Variants in METTL9 observed in about 807,000 individuals in gnomAD.
METTL9 encodes the protein methyltransferase 9, His-X-His N1(pi)-histidine.
METTL9 carries 10 observed loss-of-function variants against 36.0 expected under a neutral mutation model. That is an observed-to-expected ratio of 0.28 (90% CI 0.17 to 0.47). METTL9 has a LOEUF of 0.47. Ranked by LOEUF, METTL9 falls within the 20% of genes least tolerant of loss-of-function variation. The pLI is 0.99. For missense variants in METTL9, 246 were observed against 383.5 expected, an observed-to-expected ratio of 0.64 and a Z score of 3.00; for synonymous variants, 175 against 149.7, an observed-to-expected ratio of 1.17 and a Z score of -1.23.
intron 1 of METTL9, among the ~76,000 whole-genome samples, chr16:21,602,684 G>A: frequency 6.7e-6 from 1 of 149,658 alleles, no homozygotes. Flanking sequence ...TTGAGATGGA[G>A]TCTCGCTTCG....
chr16:21,647,571 A>C (rs895978841), intron 4 of METTL9: 25 of 1,499,100 alleles, frequency 1.7e-5, no homozygotes, highest in Non-Finnish European at 1.8e-6. Context: ...GAGGTAGGAA[A>C]CCCAGCCATT....
intron 4 of METTL9, among the ~76,000 whole-genome samples, chr16:21,633,451 T>C (rs1966013490): frequency 6.6e-6 from 1 of 152,178 alleles, no homozygotes; most frequent in South Asian, 2.1e-4. Context: ...GTGAGGGCTA[T>C]CCCTAAACCC....
chr16:21,644,320 A>C, intron 4 of METTL9: 3 of 1,613,836 alleles, frequency 1.9e-6, no homozygotes, highest in Non-Finnish European at 2.5e-6. Context: ...CCACGCACAC[A>C]CCGGTCACAT....
chr16:21,631,922 TTCTTTGTCTCTCTCTCTCACTGACTCCC>T (rs1330086288), intron 4 of METTL9, among the ~76,000 whole-genome samples: 2 of 152,196 alleles, frequency 1.3e-5, no homozygotes, highest in Non-Finnish European at 2.9e-5. Flanking sequence ...CTTTGACTTT[TTCTTTGTCTCTCTCTCTCACTGACTCCC>T]TCTTTGTCTC....
At chr16:21,622,140 C>CTTTTT (rs1965714653) in intron 3 of METTL9, among the ~76,000 whole-genome samples, 1 of 25,842 alleles carries the variant, frequency 3.9e-5, no homozygotes, top group Non-Finnish European at 6.2e-5. Flanking sequence ...CCATGCCTGG[C>CTTTTT]CTTTTTTTTT....
In METTL9 at chr16:21,650,423, G is replaced by A. The variant is rs1399140038; in HGVS notation, c.752-4804G>A. ...CTTGGGAGGCTGAAGCAGGAGAATC[G>A]CTTGAACGTAGGAGGTGGAGGTTGC... On this transcript the variant is annotated intron_variant, in intron 4 of 4. Coordinates refer to ENST00000358154, the MANE Select transcript of METTL9 (RefSeq NM_016025.5). Among the ~76,000 whole-genome samples the A allele has an allele frequency of 1.3e-4, 19 of 149,716 alleles. 1 individual carries two copies. The highest frequency in any genetic ancestry group is 9.8e-5 in the African/African-American group (4 of 40,718).
In METTL9 at chr16:21,653,038, A is replaced by C. The variant is rs142114689; in HGVS notation, c.752-2189A>C. 26 of 158,534 alleles carry C rather than the reference A, an allele frequency of 1.6e-4. No individual in the cohort carries two copies. The East Asian group carries it at 4.7e-3, about 29-fold the overall frequency. 9.8% of individuals were successfully genotyped at this position (158,534 alleles called of 1,614,324 possible). On this transcript the variant is annotated intron_variant, in intron 4 of 4. Coordinates refer to ENST00000358154, the MANE Select transcript of METTL9 (RefSeq NM_016025.5). ...AGTGGCTTTGTGTAGAGATGAGAAA[A>C]GTTAGTAAACAACACATTCTAATGC...
At chr16:21,646,247 C>T (rs923397067) in intron 4 of METTL9, 9 of 151,918 alleles carry the variant, frequency 5.9e-5, no homozygotes, top group Non-Finnish European at 1.2e-4. Context: ...TGTTTGATGT[C>T]CTCGCTCGGC....
chr16:21,632,806 A>G (rs1440004212), intron 4 of METTL9, among the ~76,000 whole-genome samples: 1 of 152,120 alleles, frequency 6.6e-6, no homozygotes, highest in African/African-American at 2.4e-5. Flanking sequence ...TTGCTACTAC[A>G]TCAATTTCCT....
At chr16:21,654,879 C>T in intron 4 of METTL9, 1 of 219,734 alleles carries the variant, frequency 4.6e-6, no homozygotes, top group Non-Finnish European at 9.1e-6. Context: ...ACCAGTTTTC[C>T]AAACCCATTA....
At chr16:21,620,253 G>A (rs1473786729) in intron 3 of METTL9, among the ~76,000 whole-genome samples, 2 of 152,184 alleles carry the variant, frequency 1.3e-5, no homozygotes, top group Non-Finnish European at 2.9e-5. Context: ...TGAACTGAGT[G>A]ATTTGAAAGC....
At chr16:21,601,259 T>C (rs1965118379) in intron 1 of METTL9, among the ~76,000 whole-genome samples, 1 of 152,194 alleles carries the variant, frequency 6.6e-6, no homozygotes, top group Admixed American at 6.5e-5. Flanking sequence ...TAGTTCATTC[T>C]TATAGAGACA....
intron 1 of METTL9, among the ~76,000 whole-genome samples, chr16:21,600,609 A>G (rs1474563284): frequency 2.6e-5 from 4 of 152,206 alleles, no homozygotes; most frequent in Non-Finnish European, 5.9e-5. Flanking sequence ...TTTTTAAAAC[A>G]GAACGGGACG....
At chr16:21,627,319 T>C (rs1965838345) in intron 4 of METTL9, 2 of 985,228 alleles carry the variant, frequency 2.0e-6, no homozygotes, top group Non-Finnish European at 2.4e-6. Flanking sequence ...TAAAAGTAGT[T>C]GTAGGTGAAA....
At chr16:21,622,680 G>GT (rs1181844222) in intron 3 of METTL9, among the ~76,000 whole-genome samples, 26 of 152,156 alleles carry the variant, frequency 1.7e-4, no homozygotes, top group African/African-American at 5.8e-4. Context: ...CAAAACAGAA[G>GT]TAAGAATGCA....
At chr16:21,599,471 G>C (rs899605552), upstream of METTL9, 1 of 1,172,514 alleles carries the variant, frequency 8.5e-7, no homozygotes, top group Non-Finnish European at 1.1e-6. The surrounding 1 kb of genome is among the most constrained non-coding windows in gnomAD (Gnocchi z 4.4). Flanking sequence ...GGGAGAAAGC[G>C]ACGCGGCCGC....
Position 21,656,777 on chromosome 16 carries a change from C to T in METTL9, c.*1345C>T, listed in dbSNP as rs184545398. ...CCTGGGTATAAAGGCGAATTAAAACCTGAAGAATTACTTTATTATTCATTA... is the reference window on the plus strand; with the variant it reads ...CCTGGGTATAAAGGCGAATTAAAACTTGAAGAATTACTTTATTATTCATTA... On this transcript the variant is annotated 3_prime_UTR_variant, in exon 5 of 5. Coordinates refer to ENST00000358154, the MANE Select transcript of METTL9 (RefSeq NM_016025.5). 2 of 152,196 alleles carry T rather than the reference C, an allele frequency of 1.3e-5. No individual in the cohort carries two copies. Among genetic ancestry groups the T allele is most frequent in the Admixed American group, 6.5e-5 (1 of 15,284 alleles). 9.4% of individuals were successfully genotyped at this position (152,196 alleles called of 1,614,324 possible). A position where few individuals can be genotyped will look rare whatever the true frequency, so the allele number is the denominator to read the frequency against.
At chr16:21,615,769 C>G (rs1437858834) in intron 2 of METTL9, among the ~76,000 whole-genome samples, 1 of 152,166 alleles carries the variant, frequency 6.6e-6, no homozygotes, top group African/African-American at 2.4e-5. Context: ...TGCCAGTAGC[C>G]TCTTTCTGCT....
At chr16:21,624,038 G>C (rs1258644004) in intron 3 of METTL9, among the ~76,000 whole-genome samples, 2 of 152,096 alleles carry the variant, frequency 1.3e-5, no homozygotes, top group Non-Finnish European at 2.9e-5. Flanking sequence ...CAAAGTGCTA[G>C]GATTACAGGC....
Sources: gnomAD v4.1 joint callset for allele counts (sites outside exome capture counted in the v4.1 genomes callset) on GRCh38, gnomAD v4.1.1 for gene constraint, Gnocchi (gnomAD v3.1) non-coding constraint, MANE v1.5 for transcripts, NCBI Gene and HGNC (gene_info 2026-07-23, HGNC 2026-07-21) for gene names.